The following B4GALT6 variants were observed in gnomAD, a reference collection of about 807,000 sequenced individuals.
B4GALT6 encodes the protein UDP-Gal:beta-GlcNAc beta-1,4-galactosyltransferase 6.
Under a neutral mutation model 46.3 loss-of-function variants are expected in B4GALT6, and 14 were observed. The observed-to-expected ratio is 0.30, with a 90% CI of 0.20 to 0.47. The LOEUF is 0.47. B4GALT6 is among the 20% of genes least tolerant of loss of function. The probability of loss-of-function intolerance (pLI) is 0.99; values close to 1 mark genes in which losing one functional copy is unlikely to be tolerated. For missense variants in B4GALT6, 386 were observed against 480.1 expected (o/e 0.80, Z 1.83); for synonymous variants, 168 against 162.0 (o/e 1.04, Z -0.28).
chr18:31,666,604 A>C (rs557426149), intron 1 of B4GALT6, among the ~76,000 whole-genome samples: 122 of 152,320 alleles, frequency 8.0e-4, no homozygotes, highest in Non-Finnish European at 1.5e-3. Flanking sequence ...TATCAAATAG[A>C]ATGAAACTAA....
At chr18:31,684,708 G>A (rs964413931), upstream of B4GALT6, 18 of 1,158,980 alleles carry the variant, frequency 1.6e-5, no homozygotes, top group Non-Finnish European at 5.4e-6. Flanking sequence ...GGGACGGCAG[G>A]ACGGAAGAAA....
chr18:31,720,888 A>C, the B4GALT6 span, among the ~76,000 whole-genome samples: 1 of 152,344 alleles, frequency 6.6e-6, no homozygotes, highest in East Asian at 1.9e-4. Context: ...GACCGTAGGC[A>C]CATCCAAAGT....
chr18:31,672,379 T>C (rs2074366498), intron 1 of B4GALT6, among the ~76,000 whole-genome samples: 1 of 152,184 alleles, frequency 6.6e-6, no homozygotes, highest in Non-Finnish European at 1.5e-5. Context: ...ATTCAATAAA[T>C]GTAAAACCTG....
chr18:31,722,735 C>G, the B4GALT6 span, among the ~76,000 whole-genome samples: 1 of 152,168 alleles, frequency 6.6e-6, no homozygotes, highest in Non-Finnish European at 1.5e-5. Context: ...CAGTCAGTGG[C>G]TATCACGGTG....
At chr18:31,645,540 C>G in intron 3 of B4GALT6, 61 bp from the exon 4 acceptor site, 1 of 1,529,220 alleles carries the variant, frequency 6.5e-7, no homozygotes, top group Non-Finnish European at 8.9e-7. Context: ...TCTAGTAGAA[C>G]AAATAATAAT....
the B4GALT6 span, among the ~76,000 whole-genome samples, chr18:31,699,858 T>A: frequency 1.3e-5 from 2 of 152,102 alleles, no homozygotes; most frequent in African/African-American, 2.4e-5. Flanking sequence ...GTTATGTAAG[T>A]TTATTGGTTT....
intron 5 of B4GALT6, among the ~76,000 whole-genome samples, chr18:31,632,590 T>G (rs577133126): frequency 6.6e-6 from 1 of 152,314 alleles, no homozygotes; most frequent in South Asian, 2.1e-4. Context: ...TCTCTTGACT[T>G]CTTATCATGG....
the B4GALT6 span, among the ~76,000 whole-genome samples, chr18:31,714,763 G>A: frequency 6.6e-6 from 1 of 152,094 alleles, no homozygotes; most frequent in Non-Finnish European, 1.5e-5. Context: ...GGTGAAGCAG[G>A]GTTTTATATT....
At chr18:31,627,337 A>C (rs1165155883) in intron 6 of B4GALT6, among the ~76,000 whole-genome samples, 31 of 152,134 alleles carry the variant, frequency 2.0e-4, no homozygotes, top group Non-Finnish European at 2.9e-5. Flanking sequence ...TAAAGCACTT[A>C]TGGAAACCTA....
intron 1 of B4GALT6, among the ~76,000 whole-genome samples, chr18:31,671,875 C>A (rs569055695): frequency 6.6e-6 from 1 of 152,326 alleles, no homozygotes; most frequent in African/African-American, 2.4e-5. Context: ...TTTACCAGTT[C>A]TGCTTCCCAG....
At chr18:31,705,907 C>G in the B4GALT6 span, among the ~76,000 whole-genome samples, 2 of 152,190 alleles carry the variant, frequency 1.3e-5, no homozygotes, top group African/African-American at 4.8e-5. Flanking sequence ...ACACCCAGTT[C>G]CTCAAAATAC....
intron 3 of B4GALT6, among the ~76,000 whole-genome samples, chr18:31,646,599 A>G (rs1198955733): frequency 6.6e-6 from 1 of 152,226 alleles, no homozygotes; most frequent in Non-Finnish European, 1.5e-5. Flanking sequence ...CTCTGACCTC[A>G]TCTCATAAAA....
the B4GALT6 span, among the ~76,000 whole-genome samples, chr18:31,701,518 T>C: frequency 1.9e-3 from 285 of 152,328 alleles, no homozygotes; most frequent in African/African-American, 6.5e-3. Context: ...GTGGCATTTT[T>C]TTCAAGTCAT....
At chr18:31,696,782 C>A in the B4GALT6 span, among the ~76,000 whole-genome samples, 2 of 152,148 alleles carry the variant, frequency 1.3e-5, no homozygotes, top group Admixed American at 1.3e-4. Flanking sequence ...TTCCTTCCTG[C>A]AGTATAGCCT....
chr18:31,697,440 C>G, the B4GALT6 span, among the ~76,000 whole-genome samples: 1 of 140,758 alleles, frequency 7.1e-6, no homozygotes, highest in Non-Finnish European at 1.5e-5. Context: ...GACCAGTGAT[C>G]ACAGACATCT....
At chr18:31,717,970 A>AAG in the B4GALT6 span, among the ~76,000 whole-genome samples, 420 of 151,424 alleles carry the variant, frequency 2.8e-3, 1 homozygote, top group Non-Finnish European at 5.1e-3. Flanking sequence ...AAAAAAAAAA[A>AAG]GATATTATAT....
intron 3 of B4GALT6, among the ~76,000 whole-genome samples, chr18:31,652,580 C>A (rs1329530767): frequency 6.6e-6 from 1 of 152,188 alleles, no homozygotes; most frequent in African/African-American, 2.4e-5. Context: ...TTACTAAAGG[C>A]AGACCCCAAG....
chr18:31,708,897 G>A, the B4GALT6 span, among the ~76,000 whole-genome samples: 35 of 152,286 alleles, frequency 2.3e-4, no homozygotes, highest in African/African-American at 7.9e-4. Flanking sequence ...TTCTAGGTGC[G>A]CCATTAGGAA....
chr18:31,651,671 T>C (rs2074069691), intron 3 of B4GALT6, among the ~76,000 whole-genome samples: 1 of 152,122 alleles, frequency 6.6e-6, no homozygotes, highest in East Asian at 1.9e-4. Context: ...CTTTCCATGC[T>C]CACTCTTCAA....
Sources: gnomAD v4.1 joint callset for allele counts (sites outside exome capture counted in the v4.1 genomes callset) on GRCh38, gnomAD v4.1.1 for gene constraint, MANE v1.5 for transcripts, NCBI Gene and HGNC (gene_info 2026-07-23, HGNC 2026-07-21) for gene names.